RYR3: variants seen among roughly 807,000 people sequenced by gnomAD.
The protein encoded by RYR3 is ryanodine receptor 3.
Under a neutral mutation model 584.3 loss-of-function variants are expected in RYR3, and 207 were observed. The ratio of observed to expected loss-of-function variants is 0.35; its 90% CI spans 0.32 to 0.40. RYR3 has a LOEUF of 0.40. Ranked by LOEUF, RYR3 falls within the 10% of genes least tolerant of loss-of-function variation. The pLI is 1.00. For synonymous variants in RYR3, 2,416 were observed against 2,248.5 expected (o/e 1.07, Z -2.11); for missense variants, 5,616 against 6,089.2 (o/e 0.92, Z 2.59).
intron 38 of RYR3, among the ~76,000 whole-genome samples, chr15:33,689,321 G>A (rs2065255040): frequency 6.6e-6 from 1 of 151,776 alleles, no homozygotes; most frequent in Admixed American, 6.6e-5. Context: ...GTATACCTAT[G>A]TATCAAACCT....
intron 92 of RYR3, 134 bp from the exon 93 acceptor site, chr15:33,844,728 C>G: frequency 1.3e-6 from 1 of 751,806 alleles, no homozygotes; most frequent in East Asian, 2.7e-5. Context: ...ACCTAAAAAC[C>G]TCATTCATTC....
intron 12 of RYR3, among the ~76,000 whole-genome samples, chr15:33,570,781 ACTT>A (rs1405503142): frequency 2.0e-5 from 3 of 152,090 alleles, no homozygotes; most frequent in African/African-American, 7.2e-5. Context: ...TAAGTCTTGC[ACTT>A]CTTTTATGAA....
At chr15:33,443,618 T>G (rs1002972396) in intron 1 of RYR3, among the ~76,000 whole-genome samples, 2 of 152,148 alleles carry the variant, frequency 1.3e-5, no homozygotes, top group Non-Finnish European at 2.9e-5. Context: ...CCTCTGACAC[T>G]GTTCAGAGTA....
At chr15:33,404,097 G>A (rs993070336) in intron 1 of RYR3, among the ~76,000 whole-genome samples, 3 of 152,186 alleles carry the variant, frequency 2.0e-5, no homozygotes, top group Admixed American at 2.0e-4. Context: ...GATGAATTTG[G>A]TCGTAAAATA....
At chr15:33,529,807 AAT>A in intron 3 of RYR3, among the ~76,000 whole-genome samples, 1 of 152,260 alleles carries the variant, frequency 6.6e-6, no homozygotes, top group East Asian at 1.9e-4. Flanking sequence ...AACTATAATA[AAT>A]TACAGTTTTG....
At chr15:33,832,993 ACT>A (rs1322353432) in intron 86 of RYR3, among the ~76,000 whole-genome samples, 3 of 117,348 alleles carry the variant, frequency 2.6e-5, no homozygotes, top group Non-Finnish European at 3.5e-5. Context: ...GGGCAACAAA[ACT>A]CTGTCTCAAA....
chr15:33,704,814 T>C (rs2152780123), intron 42 of RYR3, among the ~76,000 whole-genome samples: 1 of 152,220 alleles, frequency 6.6e-6, no homozygotes, highest in South Asian at 2.1e-4. Flanking sequence ...GCCAGCAAGC[T>C]GGAGAGGGAA....
chr15:33,654,440 G>A (rs1418611814), intron 32 of RYR3, among the ~76,000 whole-genome samples: 1 of 151,772 alleles, frequency 6.6e-6, no homozygotes, highest in Non-Finnish European at 1.5e-5. Context: ...AGTCCGGGGA[G>A]GTCAAGGCTG....
chr15:33,838,743 G>C lies in RYR3; in HGVS notation c.12763G>C (p.Val4255Leu), dbSNP rs768353999. The part of the protein sequence containing the change: ...DDTMEAERAE[V>L]MEPGITTELV... ...CACTATGGAGGCTGAGAGGGCAGAG[G>C]TGATGGAGCCAGGTATCACCACTGA... Residue 4255 changes from valine (V) to leucine (L), a missense_variant, in exon 89 of 104, where the codon GTG (valine) becomes CTG (leucine). Around this residue, in one of 9 missense-constraint regions of RYR3, gnomAD observed 918 missense variants for 887.4 expected, o/e 1.03. Coordinates refer to ENST00000634891, the MANE Select transcript of RYR3 (RefSeq NM_001036.6). 3 of 1,613,852 alleles carry C rather than the reference G, an allele frequency of 1.9e-6. No homozygotes were observed. The highest frequency in any genetic ancestry group is 2.5e-6 in the Non-Finnish European group (3 of 1,179,896).
chr15:33,581,016 G>T, intron 13 of RYR3, among the ~76,000 whole-genome samples: 1 of 126,564 alleles, frequency 7.9e-6, no homozygotes, highest in African/African-American at 2.9e-5. Context: ...TACTGCTATT[G>T]TCTCTAAATC....
intron 4 of RYR3, 150 bp downstream of exon 4, chr15:33,530,816 T>C: frequency 1.5e-6 from 1 of 648,542 alleles, no homozygotes; most frequent in Admixed American, 2.5e-5. Context: ...ATTTCCTACA[T>C]ATGACCTACC....
In RYR3 at chr15:33,854,811, C is replaced by T. The variant is rs2079477182; in HGVS notation, c.13906C>T (p.His4636Tyr). 6.2e-7 allele frequency: 1 copy of T among 1,613,852 alleles called. No homozygotes were observed. The highest frequency in any genetic ancestry group is 2.2e-5 in the East Asian group (1 of 44,874). The change falls in exon 98 of 104, where the codon CAC becomes TAC. Residue 4636 changes from histidine to tyrosine, a missense_variant. By Grantham distance (83) the His-to-Tyr change is moderately conservative (BLOSUM62 2). Coordinates refer to ENST00000634891, the MANE Select transcript of RYR3 (RefSeq NM_001036.6). ...GTATACAACCATGTCAGTCCTGGGC[C>T]ACTACAATAACTTCTTCTTTGCTGC... ...AWYTTMSVLG[H>Y]YNNFFFAAHL...
chr15:33,529,477 C>G (rs938588697), intron 3 of RYR3, among the ~76,000 whole-genome samples: 4 of 152,156 alleles, frequency 2.6e-5, no homozygotes, highest in Non-Finnish European at 4.4e-5. Context: ...GGGAGACGGG[C>G]AGAGCCTCAA....
intron 1 of RYR3, among the ~76,000 whole-genome samples, chr15:33,378,095 T>G (rs539214444): frequency 4.3e-4 from 66 of 152,332 alleles, no homozygotes; most frequent in Non-Finnish European, 7.6e-4. Flanking sequence ...TGTAAGAATT[T>G]AAAGAATACA....
chr15:33,811,581 T>TTG (rs1349818178), intron 72 of RYR3, among the ~76,000 whole-genome samples: 18 of 152,172 alleles, frequency 1.2e-4, no homozygotes, highest in African/African-American at 4.1e-4. Flanking sequence ...GTTTGTTTGT[T>TTG]TTTGCCCTTA....
chr15:33,546,820 T>G (rs930133208), intron 8 of RYR3, among the ~76,000 whole-genome samples: 3 of 152,154 alleles, frequency 2.0e-5, no homozygotes, highest in African/African-American at 7.2e-5. Flanking sequence ...AAAAAATAAG[T>G]ATACATTTTC....
chr15:33,734,486 G>A (rs975786542), intron 48 of RYR3, among the ~76,000 whole-genome samples: 2 of 152,036 alleles, frequency 1.3e-5, no homozygotes, highest in Admixed American at 1.3e-4. Context: ...GTAATTGGTT[G>A]GTAATGCATC....
At chr15:33,669,951 G>A (rs1158384749) in intron 37 of RYR3, among the ~76,000 whole-genome samples, 2 of 148,770 alleles carry the variant, frequency 1.3e-5, no homozygotes, top group Non-Finnish European at 3.0e-5. Context: ...ATCTCTACTT[G>A]GATACGTACC....
intron 1 of RYR3, among the ~76,000 whole-genome samples, chr15:33,402,477 TTC>T (rs2042745203): frequency 6.6e-6 from 1 of 152,254 alleles, no homozygotes; most frequent in African/African-American, 2.4e-5. Flanking sequence ...TGCTTGTTGT[TTC>T]TGTCACACTT....
Sources: allele counts gnomAD v4.1 joint callset (sites outside exome capture counted in the v4.1 genomes callset), GRCh38; gene constraint gnomAD v4.1.1; regional missense constraint gnomAD v4.1.1; transcripts MANE v1.5; gene names NCBI Gene and HGNC (gene_info 2026-07-23, HGNC 2026-07-21).